The following SLC1A2 variants were observed in gnomAD, a reference collection of about 807,000 sequenced individuals.
SLC1A2 encodes the protein solute carrier family 1 member 2.
SLC1A2 carries 15 observed loss-of-function variants against 48.8 expected under a neutral mutation model. The ratio of observed to expected loss-of-function variants is 0.31; its 90% CI spans 0.21 to 0.47. The LOEUF (loss-of-function observed/expected upper bound fraction) is 0.47. Ranked by LOEUF, SLC1A2 falls within the 20% of genes least tolerant of loss-of-function variation. The pLI is 0.99. For missense variants in SLC1A2, 502 were observed against 730.5 expected (o/e 0.69, Z 3.61); for synonymous variants, 279 against 272.6 (o/e 1.02, Z -0.23).
chr11:35,287,535 C>T (rs1490043272), intron 7 of SLC1A2, among the ~76,000 whole-genome samples: 1 of 152,212 alleles, frequency 6.6e-6, no homozygotes, highest in African/African-American at 2.4e-5. Context: ...GGGAACCTCA[C>T]AGATAGTCCA....
chr11:35,356,730 T>G (rs1045283340), intron 1 of SLC1A2, among the ~76,000 whole-genome samples: 2 of 152,192 alleles, frequency 1.3e-5, no homozygotes, highest in Non-Finnish European at 2.9e-5. Context: ...TCTGACAATT[T>G]AGAGAGAATA....
intron 1 of SLC1A2, among the ~76,000 whole-genome samples, chr11:35,343,566 T>C (rs1852919643): frequency 6.6e-6 from 1 of 152,136 alleles, no homozygotes; most frequent in African/African-American, 2.4e-5. Context: ...GCAATAACTC[T>C]CCATACTTTC....
At chr11:35,308,161 CAGG>C (rs1380959909) in intron 4 of SLC1A2, among the ~76,000 whole-genome samples, 3 of 152,212 alleles carry the variant, frequency 2.0e-5, no homozygotes, top group Non-Finnish European at 4.4e-5. Flanking sequence ...CAGGATCAGG[CAGG>C]AGGCCAGCTG....
chr11:35,344,896 A>G (rs543411429), intron 1 of SLC1A2, among the ~76,000 whole-genome samples: 1 of 152,270 alleles, frequency 6.6e-6, no homozygotes, highest in South Asian at 2.1e-4. Flanking sequence ...ATCAAATTCC[A>G]TCCACTCTGA....
chr11:35,317,884 C>G (rs1461287186), intron 1 of SLC1A2, among the ~76,000 whole-genome samples: 1 of 152,118 alleles, frequency 6.6e-6, no homozygotes, highest in African/African-American at 2.4e-5. Flanking sequence ...AAAGCCTGAG[C>G]TATTTTCTTC....
In SLC1A2 at chr11:35,315,165, C is replaced by G; in HGVS notation, c.168G>C (p.Leu56=). 6.2e-7 allele frequency: 1 copy of G among 1,613,498 alleles called. No homozygotes were observed. Among genetic ancestry groups the G allele is most frequent in the Non-Finnish European group, 8.5e-7 (1 of 1,179,580 alleles). The change falls in exon 3 of 11, where the codon CTG becomes CTC. Residue 56 remains leucine (L), a synonymous_variant. Coordinates refer to ENST00000278379, the MANE Select transcript of SLC1A2 (RefSeq NM_004171.4). The part of the protein sequence containing the change: ...LLTLTVFGVI[L]GAVCGGLLRL... Reference sequence around the variant, plus strand: ...GAAGAAGCCCTCCACACACTGCTCCCAGGATGACACCTAAAAGGAAGGGGA... The same window carrying G: ...GAAGAAGCCCTCCACACACTGCTCCGAGGATGACACCTAAAAGGAAGGGGA...
chr11:35,328,994 G>T (rs934967823), intron 1 of SLC1A2, among the ~76,000 whole-genome samples: 8 of 152,228 alleles, frequency 5.3e-5, no homozygotes, highest in Non-Finnish European at 8.8e-5. Flanking sequence ...AAACTTGGAA[G>T]CAACCTAGAC....
chr11:35,359,042 C>T (rs1853587976), intron 1 of SLC1A2, among the ~76,000 whole-genome samples: 1 of 152,232 alleles, frequency 6.6e-6, no homozygotes, highest in Non-Finnish European at 1.5e-5. Flanking sequence ...AGCAGTGCAA[C>T]ATCGCTGACA....
intron 1 of SLC1A2, among the ~76,000 whole-genome samples, chr11:35,320,320 T>C (rs1852015143): frequency 6.6e-6 from 1 of 152,226 alleles, no homozygotes; most frequent in Non-Finnish European, 1.5e-5. Context: ...TGGTACAATC[T>C]TTACTCTTAA....
chr11:35,382,714 TG>T (rs1394777235), intron 1 of SLC1A2, among the ~76,000 whole-genome samples: 1 of 151,912 alleles, frequency 6.6e-6, no homozygotes, highest in Non-Finnish European at 1.5e-5. Flanking sequence ...GAGAATCACT[TG>T]AACCCAGGAG....
At chr11:35,345,140 T>C (rs1260365795) in intron 1 of SLC1A2, among the ~76,000 whole-genome samples, 4 of 152,220 alleles carry the variant, frequency 2.6e-5, no homozygotes, top group Admixed American at 1.3e-4. Flanking sequence ...CAGTCCATGA[T>C]GCTTGGCCTG....
chr11:35,281,122 T>C (rs1850620251), intron 8 of SLC1A2, 121 bp from the exon 9 acceptor site: 1 of 1,298,590 alleles, frequency 7.7e-7, no homozygotes, highest in Non-Finnish European at 1.0e-6. Flanking sequence ...CCCCACCCCA[T>C]ACTCTCCACC....
intron 1 of SLC1A2, among the ~76,000 whole-genome samples, chr11:35,390,331 G>A (rs369017096): frequency 1.3e-5 from 2 of 152,214 alleles, no homozygotes; most frequent in South Asian, 2.1e-4. Context: ...TACAAGAAAC[G>A]ACCCATGTCC....
intron 4 of SLC1A2, among the ~76,000 whole-genome samples, chr11:35,308,070 C>T (rs564733658): frequency 6.6e-6 from 1 of 152,292 alleles, no homozygotes; most frequent in African/African-American, 2.4e-5. Flanking sequence ...AGCCAACTGT[C>T]AACCTATCCT....
At chr11:35,336,710 T>C (rs982249892) in intron 1 of SLC1A2, among the ~76,000 whole-genome samples, 1 of 152,222 alleles carries the variant, frequency 6.6e-6, no homozygotes, top group Admixed American at 6.5e-5. Context: ...CTTTAGTTTG[T>C]AGGACTATGC....
At chr11:35,334,969 T>G (rs780479576) in intron 1 of SLC1A2, among the ~76,000 whole-genome samples, 3 of 152,228 alleles carry the variant, frequency 2.0e-5, no homozygotes, top group Non-Finnish European at 4.4e-5. Flanking sequence ...TTTTCCATTG[T>G]CGGGTAGCTA....
At chr11:35,350,084 G>T (rs1340633925) in intron 1 of SLC1A2, among the ~76,000 whole-genome samples, 3 of 152,128 alleles carry the variant, frequency 2.0e-5, no homozygotes, top group Non-Finnish European at 4.4e-5. Flanking sequence ...CATACAAAGG[G>T]CGCAGTACTG....
At chr11:35,312,118 G>T in intron 4 of SLC1A2, 80 bp downstream of exon 4, 1 of 1,392,120 alleles carries the variant, frequency 7.2e-7, no homozygotes. Context: ...ACCCAGAGTT[G>T]GTCTGTTAAA....
At chr11:35,356,460 T>C (rs1590222975) in intron 1 of SLC1A2, among the ~76,000 whole-genome samples, 1 of 152,182 alleles carries the variant, frequency 6.6e-6, no homozygotes, top group African/African-American at 2.4e-5. Context: ...TGGCTAAGAC[T>C]CAAGGCAACT....
Sources: gnomAD v4.1 joint callset for allele counts (sites outside exome capture counted in the v4.1 genomes callset) on GRCh38, gnomAD v4.1.1 for gene constraint, MANE v1.5 for transcripts, NCBI Gene and HGNC (gene_info 2026-07-23, HGNC 2026-07-21) for gene names.